The following ENTREP2 variants were observed in gnomAD, a reference collection of about 807,000 sequenced individuals.
ENTREP2 encodes the protein protein ENTREP2.
At chr15:29,599,025 A>AGG in the ENTREP2 span, among the ~76,000 whole-genome samples, 1 of 152,156 alleles carries the variant, frequency 6.6e-6, no homozygotes, top group Non-Finnish European at 1.5e-5. Context: ...ACCCAGTCCA[A>AGG]GGGTACTTCC....
At chr15:29,627,723 C>G in the ENTREP2 span, among the ~76,000 whole-genome samples, 1 of 152,154 alleles carries the variant, frequency 6.6e-6, no homozygotes, top group Admixed American at 6.6e-5. Flanking sequence ...GTGCTTCATA[C>G]AAGTGAAATC....
chr15:29,599,809 T>C, the ENTREP2 span, among the ~76,000 whole-genome samples: 22 of 152,226 alleles, frequency 1.4e-4, no homozygotes, highest in African/African-American at 5.3e-4. Context: ...CCAAGATTTA[T>C]GGCTTCCTTT....
chr15:29,606,215 T>C, the ENTREP2 span, among the ~76,000 whole-genome samples: 2 of 151,488 alleles, frequency 1.3e-5, no homozygotes, highest in East Asian at 3.9e-4. Context: ...TTCCCATGTC[T>C]GTCTTTTTCT....
chr15:29,213,593 T>C, the ENTREP2 span, among the ~76,000 whole-genome samples: 8 of 152,168 alleles, frequency 5.3e-5, no homozygotes, highest in Admixed American at 3.9e-4. Flanking sequence ...TCTCTGCTTG[T>C]CTGTTATTGG....
At chr15:29,426,657 G>A in the ENTREP2 span, among the ~76,000 whole-genome samples, 3 of 152,122 alleles carry the variant, frequency 2.0e-5, no homozygotes, top group Non-Finnish European at 2.9e-5. Context: ...CGTGTCCTCC[G>A]TCTGCCTCCA....
chr15:29,664,580 G>A, the ENTREP2 span, among the ~76,000 whole-genome samples: 10 of 152,200 alleles, frequency 6.6e-5, no homozygotes, highest in East Asian at 1.9e-3. Flanking sequence ...TTGCGTGATG[G>A]GGTGGAGGGA....
chr15:29,419,650 AAAAG>A, the ENTREP2 span, among the ~76,000 whole-genome samples: 21 of 152,338 alleles, frequency 1.4e-4, no homozygotes, highest in East Asian at 2.1e-3. Flanking sequence ...ACACAAAAGA[AAAAG>A]AAACCTAAAT....
chr15:29,603,811 G>A, the ENTREP2 span, among the ~76,000 whole-genome samples: 2 of 152,096 alleles, frequency 1.3e-5, no homozygotes, highest in African/African-American at 4.8e-5. Context: ...GCTAACTTTC[G>A]TATTTTTAGG....
chr15:29,225,208 G>A, the ENTREP2 span, among the ~76,000 whole-genome samples: 151 of 152,344 alleles, frequency 9.9e-4, 1 homozygote, highest in African/African-American at 3.3e-3. Flanking sequence ...GTGCAGCAGC[G>A]GGCTGAAGGG....
the ENTREP2 span, chr15:29,137,249 C>T: frequency 7.1e-7 from 1 of 1,401,742 alleles, no homozygotes; most frequent in Non-Finnish European, 9.4e-7. Context: ...TGGCTTGTGT[C>T]TCATTAAGCT....
the ENTREP2 span, among the ~76,000 whole-genome samples, chr15:29,607,825 T>TAGATAGATAGATAGATAGATAGAC: frequency 1.6e-4 from 14 of 84,982 alleles, no homozygotes; most frequent in African/African-American, 9.3e-4. Context: ...GATAGATAGA[T>TAGATAGATAGATAGATAGATAGAC]AGACAGACAG....
the ENTREP2 span, among the ~76,000 whole-genome samples, chr15:29,335,228 G>GT: frequency 3.3e-5 from 5 of 152,324 alleles, no homozygotes; most frequent in Non-Finnish European, 5.9e-5. Flanking sequence ...TTTCTGTGAA[G>GT]TATTTTCTTT....
At chr15:29,137,097 G>A in the ENTREP2 span, 5 of 1,465,600 alleles carry the variant, frequency 3.4e-6, no homozygotes, top group Middle Eastern at 1.8e-4. Flanking sequence ...AGGCGGGAGT[G>A]GGGGGATGAA....
chr15:29,331,074 T>G, the ENTREP2 span, among the ~76,000 whole-genome samples: 1 of 152,218 alleles, frequency 6.6e-6, no homozygotes, highest in South Asian at 2.1e-4. Context: ...TGCCAGGGAT[T>G]CAATCCCCCA....
the ENTREP2 span, among the ~76,000 whole-genome samples, chr15:29,190,105 G>A: frequency 6.6e-6 from 1 of 152,156 alleles, no homozygotes; most frequent in African/African-American, 2.4e-5. Flanking sequence ...CCTCCACCAG[G>A]ACCTGCTCAG....
chr15:29,211,674 G>A, the ENTREP2 span, among the ~76,000 whole-genome samples: 3 of 152,148 alleles, frequency 2.0e-5, no homozygotes, highest in African/African-American at 7.2e-5. Flanking sequence ...TTTGCCGAGA[G>A]TTTTAATCAT....
chr15:29,309,896 C>T, the ENTREP2 span, among the ~76,000 whole-genome samples: 1 of 151,958 alleles, frequency 6.6e-6, no homozygotes. Flanking sequence ...GCATGCATGG[C>T]CCTCAGGAAA....
At chr15:29,612,752 C>A in the ENTREP2 span, 1 of 173,944 alleles carries the variant, frequency 5.7e-6, no homozygotes, top group East Asian at 1.4e-4. Context: ...TATGTTCCTC[C>A]CACTATCCTG....
the ENTREP2 span, among the ~76,000 whole-genome samples, chr15:29,600,331 T>C: frequency 6.9e-4 from 105 of 152,276 alleles, no homozygotes; most frequent in Non-Finnish European, 1.1e-3. Flanking sequence ...ATCTGCTCAA[T>C]ATTATATGGG....
Sources: allele counts gnomAD v4.1 joint callset (sites outside exome capture counted in the v4.1 genomes callset), GRCh38; gene constraint gnomAD v4.1.1; transcripts MANE v1.5; gene names NCBI Gene and HGNC (gene_info 2026-07-23, HGNC 2026-07-21).